Variants in ABCC11 observed in about 807,000 individuals in gnomAD.
ABCC11 encodes ATP binding cassette subfamily C member 11.
A neutral mutation model predicts 149.3 loss-of-function variants in ABCC11; 135 were observed. The ratio of observed to expected loss-of-function variants is 0.90; its 90% CI spans 0.79 to 1.04. The LOEUF is 1.04. Among genes scored for constraint, ABCC11 ranks in the 50% least tolerant of loss-of-function variants. The pLI, the probability that ABCC11 is intolerant of heterozygous loss-of-function variation, is 0.00. For synonymous variants in ABCC11, 665 were observed against 671.4 expected, an observed-to-expected ratio of 0.99 and a Z score of 0.15; for missense variants, 1,680 against 1,722.1, an observed-to-expected ratio of 0.98 and a Z score of 0.43.
At position 48,166,864 on chromosome 16, in the gene ABCC11, A is replaced by G. The variant is rs577351061; in HGVS notation, c.*410T>C. 34 of 166,522 alleles carry G rather than the reference A, an allele frequency of 2.0e-4. No individual in the cohort carries two copies. Among genetic ancestry groups the G allele is most frequent in the Middle Eastern group, 6.0e-3 (2 of 334 alleles). 10.3% of individuals were successfully genotyped at this position (166,522 alleles called of 1,614,324 possible). ...TGGGCAACAGAGCAAGACCCTGTCT[A>G]AAAAAACAAAAAGAAAAGAAACGAA... On this transcript the variant is annotated 3_prime_UTR_variant, in exon 30 of 30. Transcript: ENST00000356608.
At chr16:48,208,275 G>T in intron 12 of ABCC11, 150 bp downstream of exon 12, 1 of 821,438 alleles carries the variant, frequency 1.2e-6, no homozygotes, top group South Asian at 1.7e-5. Context: ...CCCGCACAGT[G>T]CAAGCACAAC....
chr16:48,165,155 G>C (rs1450391440), downstream of ABCC11: 1 of 152,444 alleles, frequency 6.6e-6, no homozygotes, highest in Non-Finnish European at 1.5e-5. Flanking sequence ...TCCCACAGCA[G>C]TTCTGGGAAT....
chr16:48,204,512 A>T (rs748315420), intron 13 of ABCC11, among the ~76,000 whole-genome samples: 2 of 152,180 alleles, frequency 1.3e-5, no homozygotes. Flanking sequence ...AGAGGAGGAG[A>T]CATCTGGCTT....
rs148400454 is a variant in ABCC11 at position 48,230,449 on chromosome 16, C to A, written c.224G>T (p.Arg75Leu). Reference sequence around the variant, plus strand: ...CATCAGGACTCACCTCGGCTTGGGACGGAAGGGAATCATGGTTCTCAAGGC... The same window carrying A: ...CATCAGGACTCACCTCGGCTTGGGAAGGAAGGGAATCATGGTTCTCAAGGC... ...DAALRTMIPF[R>L]PKPRFPAPQP... Residue 75 changes from arginine to leucine, a missense_variant, in exon 3 of 30, where the codon CGT becomes CTT. Transcript: ENST00000356608. The A allele has an allele frequency of 2.5e-6, 4 of 1,607,466 alleles. No homozygotes were observed. The African/African-American group carries it at 5.4e-5, about 22-fold the overall frequency.
At chr16:48,197,867 A>T in intron 17 of ABCC11, 104 bp downstream of exon 17, 1 of 1,232,412 alleles carries the variant, frequency 8.1e-7, no homozygotes, top group East Asian at 2.3e-5. Flanking sequence ...GTCTCAAGAC[A>T]CTGAGGGACA....
chr16:48,178,775 G>A, intron 23 of ABCC11, 89 bp from the exon 24 acceptor site: 2 of 1,115,788 alleles, frequency 1.8e-6, no homozygotes, highest in South Asian at 2.6e-5. Context: ...GATTGCCATT[G>A]CCCCTGAGTG....
intron 22 of ABCC11, 46 bp downstream of exon 22, chr16:48,186,907 C>G (rs772002669): frequency 2.3e-5 from 37 of 1,607,952 alleles, no homozygotes; most frequent in Non-Finnish European, 3.1e-5. Flanking sequence ...TGCTCCCCAC[C>G]ACCCCTGTGG....
At chr16:48,237,569 CA>C (rs1970748545) in intron 1 of ABCC11, among the ~76,000 whole-genome samples, 1 of 152,306 alleles carries the variant, frequency 6.6e-6, no homozygotes, top group Middle Eastern at 3.4e-3. Context: ...CTCCACATAG[CA>C]GTCAAAATTA....
chr16:48,183,590 C>T (rs990357235), intron 23 of ABCC11, among the ~76,000 whole-genome samples: 7 of 152,156 alleles, frequency 4.6e-5, no homozygotes, highest in African/African-American at 9.7e-5. Context: ...GGCAAAACCC[C>T]GTGTCTAACC....
In ABCC11 at chr16:48,216,179, A is replaced by G; in HGVS notation, c.886T>C (p.Tyr296His). The change falls in exon 7 of 30, where the codon TAC becomes CAC. Residue 296 changes from tyrosine to histidine, a missense_variant. Physicochemically the swap from Tyr to His is moderately conservative, Grantham distance 83. Transcript: ENST00000356608. ...AATGCAGTGTATCCAATAATGAAGT[A>G]GGAAGAAATGCTGCAGATGACCAGC... ...ASLVICSISS[Y>H]FIIGYTAFIA... 6.2e-7 allele frequency: 1 copy of G among 1,614,242 alleles called. No individual in the cohort carries two copies. The highest frequency in any genetic ancestry group is 8.5e-7 in the Non-Finnish European group (1 of 1,180,024).
intron 28 of ABCC11, among the ~76,000 whole-genome samples, chr16:48,169,726 T>A: frequency 7.9e-6 from 1 of 126,088 alleles, no homozygotes; most frequent in East Asian, 2.4e-4. Flanking sequence ...TGAGAACACT[T>A]GGACACAGGG....
rs113044263 is a variant in ABCC11 at position 48,194,028 on chromosome 16, G to A, written c.2405-46C>T. On this transcript the variant is annotated intron_variant, in intron 18 of 29. Transcript: ENST00000356608. Reference sequence around the variant, plus strand: ...ATGTACAAGTGCCACAAACAGGTGCGAGGCAACTGCTGACTCAGCTGCTCG... The same window carrying A: ...ATGTACAAGTGCCACAAACAGGTGCAAGGCAACTGCTGACTCAGCTGCTCG... 136 of 1,424,282 alleles carry A rather than the reference G, an allele frequency of 9.5e-5. 2 individuals are homozygous for A. The African/African-American group carries it at 1.0e-3, about 11-fold the overall frequency. 88.2% of individuals were successfully genotyped at this position (1,424,282 alleles called of 1,614,324 possible).
intron 6 of ABCC11, among the ~76,000 whole-genome samples, chr16:48,221,179 G>T (rs1005319494): frequency 5.3e-5 from 8 of 152,148 alleles, no homozygotes; most frequent in Non-Finnish European, 1.0e-4. Flanking sequence ...GAGGACACAG[G>T]AAGAGATGAG....
At chr16:48,234,026 T>A (rs1285946914) in intron 1 of ABCC11, among the ~76,000 whole-genome samples, 1 of 152,246 alleles carries the variant, frequency 6.6e-6, no homozygotes, top group Non-Finnish European at 1.5e-5. Flanking sequence ...CTTGTACATT[T>A]AATCTGCATT....
At chr16:48,178,822 G>C (rs1966254368) in intron 23 of ABCC11, 136 bp from the exon 24 acceptor site, 1 of 750,572 alleles carries the variant, frequency 1.3e-6, no homozygotes, top group South Asian at 1.8e-5. Context: ...AGCAAGAATG[G>C]AGCAGAGGCC....
intron 1 of ABCC11, among the ~76,000 whole-genome samples, chr16:48,242,384 A>G (rs965378123): frequency 1.9e-4 from 29 of 152,294 alleles, no homozygotes; most frequent in Non-Finnish European, 3.7e-4. Flanking sequence ...ATCATTAAAA[A>G]GTCAGGAAAC....
At chr16:48,173,749 C>T (rs763943761) in intron 26 of ABCC11, among the ~76,000 whole-genome samples, 7 of 152,258 alleles carry the variant, frequency 4.6e-5, no homozygotes, top group East Asian at 3.9e-4. Flanking sequence ...CTCAGCCTCC[C>T]GAGTAGCTGG....
Position 48,205,547 on chromosome 16 carries a change from A to G in ABCC11, c.1681-10T>C, listed in dbSNP as rs769243154. ...CCTCGAGCAAGTGCATCTGCGGCAG[A>G]ATGAGTCCAGCCTCAGGACCAATTG... On this transcript the variant is annotated splice_polypyrimidine_tract_variant and intron_variant, in intron 12 of 29. Coordinates refer to ENST00000356608, the MANE Select transcript of ABCC11 (RefSeq NM_001370497.1). The G allele has an allele frequency of 1.2e-6, 2 of 1,613,356 alleles. No homozygotes were observed. Among genetic ancestry groups the G allele is most frequent in the African/African-American group, 1.3e-5 (1 of 75,038 alleles).
At chr16:48,173,631 G>A (rs1444647032) in intron 26 of ABCC11, among the ~76,000 whole-genome samples, 4 of 152,050 alleles carry the variant, frequency 2.6e-5, no homozygotes, top group Admixed American at 6.6e-5. Flanking sequence ...GTGTGGGGGC[G>A]GGGAAGGTTT....
Sources: allele counts gnomAD v4.1 joint callset (sites outside exome capture counted in the v4.1 genomes callset), GRCh38; gene constraint gnomAD v4.1.1; transcripts MANE v1.5; gene names NCBI Gene and HGNC (gene_info 2026-07-23, HGNC 2026-07-21).